The following RBL1 variants were observed in gnomAD, a reference collection of about 807,000 sequenced individuals.
RBL1 encodes the protein retinoblastoma-like protein 1.
RBL1 carries 82 observed loss-of-function variants against 123.0 expected under a neutral mutation model. The ratio of observed to expected loss-of-function variants is 0.67; its 90% CI spans 0.56 to 0.80. RBL1 has a LOEUF of 0.80. Ranked by LOEUF, RBL1 falls within the 30% of genes least tolerant of loss-of-function variation. The pLI, the probability that RBL1 is intolerant of heterozygous loss-of-function variation, is 0.00. For synonymous variants in RBL1, 405 were observed against 441.3 expected (o/e 0.92, Z 1.03); for missense variants, 1,171 against 1,299.6 (o/e 0.90, Z 1.52).
intron 9 of RBL1, among the ~76,000 whole-genome samples, chr20:37,057,711 G>A (rs1201937104): frequency 1.3e-5 from 2 of 152,008 alleles, no homozygotes; most frequent in Admixed American, 6.6e-5. Context: ...GTTTGACACC[G>A]GGCATGGTGG....
intron 2 of RBL1, among the ~76,000 whole-genome samples, chr20:37,074,617 C>T (rs1236964552): frequency 2.0e-5 from 3 of 151,946 alleles, no homozygotes; most frequent in African/African-American, 4.8e-5. Flanking sequence ...CTGGTGGGGA[C>T]GTAAACTGGT....
intron 14 of RBL1, among the ~76,000 whole-genome samples, chr20:37,037,598 G>A (rs951915962): frequency 3.3e-5 from 5 of 151,300 alleles, no homozygotes; most frequent in African/African-American, 7.3e-5. Flanking sequence ...GACAAGATTC[G>A]TAAAGATCAA....
intron 13 of RBL1, among the ~76,000 whole-genome samples, chr20:37,042,022 G>A (rs1292782839): frequency 2.8e-5 from 4 of 142,984 alleles, no homozygotes; most frequent in African/African-American, 5.1e-5. Flanking sequence ...GCAGTGAGCC[G>A]AGATCACGCC....
chr20:37,017,246 G>T (rs1055123476), intron 19 of RBL1, among the ~76,000 whole-genome samples: 7 of 151,950 alleles, frequency 4.6e-5, no homozygotes, highest in Non-Finnish European at 1.0e-4. Context: ...GATGGTGCAT[G>T]CCTGCAGTTC....
intron 1 of RBL1, among the ~76,000 whole-genome samples, chr20:37,090,649 G>C (rs1487163376): frequency 3.3e-5 from 5 of 152,110 alleles, no homozygotes; most frequent in Admixed American, 1.3e-4. Context: ...TAATGACAGG[G>C]ATATATTCTG....
rs775344665 is a variant in RBL1, at chr20:37,062,322, T to A, written c.897-52A>T. 3.8e-6 allele frequency: 6 copies of A among 1,572,426 alleles called. No individual in the cohort carries two copies. In the African/African-American group the frequency reaches 6.8e-5, roughly 18 times the overall value. ...AATACTAAGTTACACAATGGATTTA[T>A]TTTGACTTGAAGATAGATTTAGTGT... On this transcript the variant is annotated intron_variant, in intron 7 of 21. Coordinates refer to ENST00000373664, the MANE Select transcript of RBL1 (RefSeq NM_002895.5).
intron 9 of RBL1, among the ~76,000 whole-genome samples, chr20:37,058,264 TC>T (rs2065045539): frequency 6.6e-6 from 1 of 151,858 alleles, no homozygotes; most frequent in African/African-American, 2.4e-5. Flanking sequence ...ATGCCTGTAA[TC>T]CCAGCACTTT....
chr20:37,051,492 T>G (rs1470619403), intron 11 of RBL1, among the ~76,000 whole-genome samples: 1 of 152,182 alleles, frequency 6.6e-6, no homozygotes, highest in African/African-American at 2.4e-5. Flanking sequence ...CTCCCACCAA[T>G]CTTGAATTCT....
chr20:37,041,039 T>C (rs1036982349), intron 13 of RBL1, among the ~76,000 whole-genome samples: 2 of 152,204 alleles, frequency 1.3e-5, no homozygotes, highest in African/African-American at 2.4e-5. Flanking sequence ...AATAAGTTAC[T>C]GTCTGCTGCA....
intron 7 of RBL1, among the ~76,000 whole-genome samples, chr20:37,063,120 C>G (rs1420345861): frequency 6.6e-6 from 1 of 152,186 alleles, no homozygotes; most frequent in African/African-American, 2.4e-5. Context: ...CTCCGTCACC[C>G]AAGCTGGAAT....
At chr20:37,019,155 T>C (rs1349855704) in intron 18 of RBL1, among the ~76,000 whole-genome samples, 3 of 152,080 alleles carry the variant, frequency 2.0e-5, no homozygotes, top group Non-Finnish European at 4.4e-5. Flanking sequence ...GCAATCTGTC[T>C]GCCTTGGCCT....
chr20:37,047,561 T>A (rs1443780090), intron 11 of RBL1, among the ~76,000 whole-genome samples: 1 of 152,202 alleles, frequency 6.6e-6, no homozygotes, highest in East Asian at 1.9e-4. Context: ...TATGTCACAG[T>A]TTAGACAAAA....
At chr20:37,032,984 C>T (rs1399023540) in intron 15 of RBL1, 108 bp from the exon 16 acceptor site, 2 of 1,399,788 alleles carry the variant, frequency 1.4e-6, no homozygotes, top group African/African-American at 1.5e-5. Context: ...TATAAGAAGG[C>T]TACAAAATAG....
intron 19 of RBL1, among the ~76,000 whole-genome samples, chr20:37,016,247 C>T (rs1043075162): frequency 4.6e-5 from 7 of 151,866 alleles, no homozygotes; most frequent in Admixed American, 4.6e-4. Context: ...AGGCTGGTCT[C>T]GAACTCCTGA....
At chr20:37,065,229 G>A (rs759666210) in intron 7 of RBL1, among the ~76,000 whole-genome samples, 195 bp downstream of exon 7, 4 of 152,054 alleles carry the variant, frequency 2.6e-5, no homozygotes, top group African/African-American at 7.2e-5. Flanking sequence ...CACCGTGCCT[G>A]GCCTTGATTT....
In RBL1 at chr20:37,035,395, T is replaced by C; in HGVS notation, c.2017A>G (p.Lys673Glu). 6.2e-7 allele frequency: 1 copy of C among 1,614,194 alleles called. No homozygotes were observed. Among genetic ancestry groups the C allele is most frequent in the South Asian group, 1.1e-5 (1 of 91,086 alleles). The change falls in exon 15 of 22, where the codon AAG (lysine) becomes GAG (glutamate). Residue 673 changes from lysine to glutamate, a missense_variant. Physicochemically the swap from Lys to Glu is moderately conservative, Grantham distance 56. Transcript: ENST00000373664. ...AATTTTGTTCCTTCTGTTATGATCT[T>C]GTCCATAAGCATTTCCTTTGGGGGG... The part of the protein sequence containing the change: ...EDPPKEMLMD[K>E]IITEGTKLKI...
rs1200248582 is a variant in RBL1 at position 37,035,386 on chromosome 20, T to C, written c.2026A>G (p.Thr676Ala). The C allele has an allele frequency of 1.9e-6, 3 of 1,614,084 alleles. No individual in the cohort carries two copies. The highest frequency in any genetic ancestry group is 1.3e-5 in the African/African-American group (1 of 74,930). Residue 676 changes from threonine to alanine, a missense_variant, in exon 15 of 22, where the codon ACA becomes GCA. By Grantham distance (58) the Thr-to-Ala change is moderately conservative (BLOSUM62 0). Transcript: ENST00000373664. Reference protein sequence around the residue: ...PKEMLMDKIITEGTKLKIAPS... With the variant: ...PKEMLMDKIIAEGTKLKIAPS... ...GCGATTTTCAATTTTGTTCCTTCTG[T>C]TATGATCTTGTCCATAAGCATTTCC...
chr20:37,069,675 C>T (rs1364383193), intron 2 of RBL1, among the ~76,000 whole-genome samples: 16 of 150,432 alleles, frequency 1.1e-4, no homozygotes, highest in Non-Finnish European at 1.0e-4. Flanking sequence ...GGAGCCTCTC[C>T]GCCCGACAGC....
At chr20:37,060,987 A>G (rs1168519839) in intron 9 of RBL1, 116 bp downstream of exon 9, 1 of 1,171,812 alleles carries the variant, frequency 8.5e-7, no homozygotes, top group African/African-American at 1.6e-5. Flanking sequence ...ATGGTATAGT[A>G]AAACTTGCCA....
Sources: gnomAD v4.1 joint callset for allele counts (sites outside exome capture counted in the v4.1 genomes callset) on GRCh38, gnomAD v4.1.1 for gene constraint, MANE v1.5 for transcripts, NCBI Gene and HGNC (gene_info 2026-07-23, HGNC 2026-07-21) for gene names.